CHPT1: variants seen among roughly 807,000 people sequenced by gnomAD.
CHPT1 encodes choline phosphotransferase 1.
Under a neutral mutation model 47.6 loss-of-function variants are expected in CHPT1, and 36 were observed. The observed-to-expected ratio is 0.76, with a 90% CI of 0.58 to 1.00. The LOEUF is 1.00. Among genes scored for constraint, CHPT1 ranks in the 50% least tolerant of loss-of-function variants. The pLI, the probability that CHPT1 is intolerant of heterozygous loss-of-function variation, is 0.00. For missense variants in CHPT1, 458 were observed against 498.1 expected (o/e 0.92, Z 0.77); for synonymous variants, 194 against 186.3 (o/e 1.04, Z -0.33).
chr12:101,716,452 T>G (rs1951764463), intron 3 of CHPT1, among the ~76,000 whole-genome samples: 1 of 152,166 alleles, frequency 6.6e-6, no homozygotes. Flanking sequence ...AAAATAAAAG[T>G]CTTTATAACA....
intron 1 of CHPT1, among the ~76,000 whole-genome samples, chr12:101,704,626 C>T (rs1951605548): frequency 6.9e-6 from 1 of 145,850 alleles, no homozygotes. Flanking sequence ...GGCTCGAACT[C>T]CTGACCTCGG....
At position 101,702,814 on chromosome 12, in the gene CHPT1, T is replaced by A. The variant is rs1158393190; in HGVS notation, c.273+4680T>A. 5.3e-5 allele frequency among the ~76,000 whole-genome samples: 8 copies of A among 152,238 alleles called. No individual in the cohort carries two copies. In the East Asian group the frequency reaches 1.2e-3, roughly 22 times the overall value. Reference sequence around the variant, plus strand: ...ATTAAAACAAAATGTGAACTCCAGATTTCCAGGAGATAGAAGCAGGGAGGG... The same window carrying A: ...ATTAAAACAAAATGTGAACTCCAGAATTCCAGGAGATAGAAGCAGGGAGGG... On this transcript the variant is annotated intron_variant, in intron 1 of 8. Coordinates refer to ENST00000229266, the MANE Select transcript of CHPT1 (RefSeq NM_020244.3).
intron 5 of CHPT1, among the ~76,000 whole-genome samples, chr12:101,720,732 G>A (rs1951836362): frequency 6.6e-6 from 1 of 152,150 alleles, no homozygotes; most frequent in Non-Finnish European, 1.5e-5. Flanking sequence ...TAATTCTTAA[G>A]TGGGTATACT....
At position 101,722,707 on chromosome 12, in the gene CHPT1, TA is replaced by T. The variant is rs10605402; in HGVS notation, c.781-442del. 2.0e-3 allele frequency among the ~76,000 whole-genome samples: 227 copies of T among 113,780 alleles called. 2 individuals are homozygous for T. Among genetic ancestry groups the T allele is most frequent in the Admixed American group, 5.2e-3 (57 of 10,868 alleles). The allele number at this position is 113,780 out of a possible 152,430, so 74.6% of individuals were successfully genotyped here. ...TGTCTCTACTAAAAACACAAAAAAT[TA>T]AAAAAAAAAAAAAAAAAAGAAAATA... On this transcript the variant is annotated intron_variant, in intron 5 of 8. Coordinates refer to ENST00000229266, the MANE Select transcript of CHPT1 (RefSeq NM_020244.3).
In CHPT1 at chr12:101,698,053, C is replaced by T. The variant is rs148254372; in HGVS notation, c.192C>T (p.Asn64=). The T allele has an allele frequency of 4.0e-4, 624 of 1,575,744 alleles. 1 individual carries two copies. In the African/African-American group the frequency reaches 8.2e-3, roughly 21 times the overall value. Residue 64 remains asparagine (N), a synonymous_variant, in exon 1 of 9, where the codon AAC becomes AAT. Coordinates refer to ENST00000229266, the MANE Select transcript of CHPT1 (RefSeq NM_020244.3). ...LQWIPLWMAP[N]SITLLGLAVN... is the part of the protein sequence containing the mutation. ...GGATCCCGCTCTGGATGGCCCCCAA[C>T]TCCATCACCCTGCTGGGGCTCGCCG...
At chr12:101,719,994 C>T in intron 4 of CHPT1, 129 bp from the exon 5 acceptor site, 1 of 515,060 alleles carries the variant, frequency 1.9e-6, no homozygotes. Context: ...GATTATATTC[C>T]AGAAGTTAAG....
chr12:101,726,143 A>C, intron 7 of CHPT1, 151 bp from the exon 8 acceptor site: 1 of 595,526 alleles, frequency 1.7e-6, no homozygotes, highest in Non-Finnish European at 3.0e-6. Flanking sequence ...AGTGAGGTCC[A>C]AATTTGAAAT....
In CHPT1 at chr12:101,714,177, A is replaced by T; in HGVS notation, c.361A>T (p.Thr121Ser). ...TATTGATGGGAAACAAGCCAGAAGA[A>T]CAAACTCTTGTTCCCCTTTAGGGGA... The part of the protein sequence containing the change: ...DAIDGKQARR[T>S]NSCSPLGELF... The change falls in exon 2 of 9, where the codon ACA becomes TCA. Residue 121 changes from threonine to serine, a missense_variant. Physicochemically the swap from Thr to Ser is moderately conservative, Grantham distance 58. Transcript: ENST00000229266. 6.2e-7 allele frequency: 1 copy of T among 1,613,418 alleles called. No individual in the cohort carries two copies. The highest frequency in any genetic ancestry group is 8.5e-7 in the Non-Finnish European group (1 of 1,179,458).
rs1188525049 is a variant in CHPT1 at position 101,697,715 on chromosome 12, A to G, written c.-147A>G. The stretch of plus-strand genomic sequence containing the variant: ...CCCGGCAGCCGGGCAGGCCGGCCTG[A>G]CCTCGACCTCCGCCGTGCGGGCCCG... On this transcript the variant is annotated 5_prime_UTR_variant, in exon 1 of 9. Transcript: ENST00000229266. The G allele has an allele frequency of 1.1e-5, 2 of 189,900 alleles. No homozygotes were observed. Among genetic ancestry groups the G allele is most frequent in the African/African-American group, 4.8e-5 (2 of 41,878 alleles). The allele number at this position is 189,900 out of a possible 1,614,324, so 11.8% of individuals were successfully genotyped here. A position where few individuals can be genotyped will look rare whatever the true frequency, so the allele number is the denominator to read the frequency against.
chr12:101,699,391 C>CTT lies in CHPT1; in HGVS notation c.273+1270_273+1271dup, dbSNP rs5800481. On this transcript the variant is annotated intron_variant, in intron 1 of 8. Coordinates refer to ENST00000229266, the MANE Select transcript of CHPT1 (RefSeq NM_020244.3). Reference sequence around the variant, plus strand: ...GGTATGCTTATTATGTATTTCTTTTCTTTTTTTTTTTTTTGAGACAGAGTC... The same window carrying CTT: ...GGTATGCTTATTATGTATTTCTTTTCTTTTTTTTTTTTTTTTGAGACAGAGTC... Among the ~76,000 whole-genome samples, 257 of 136,938 alleles carry CTT rather than the reference C, an allele frequency of 1.9e-3. 2 individuals carry two copies. The highest frequency in any genetic ancestry group is 3.6e-3 in the Admixed American group (49 of 13,722). 89.8% of individuals were successfully genotyped at this position (136,938 alleles called of 152,430 possible). A position where few individuals can be genotyped will look rare whatever the true frequency, so the allele number is the denominator to read the frequency against.
Position 101,697,933 on chromosome 12 carries a change from G to T in CHPT1, c.72G>T (p.Ala24=). 6.7e-7 allele frequency: 1 copy of T among 1,501,446 alleles called. No homozygotes were observed. Among genetic ancestry groups the T allele is most frequent in the South Asian group, 1.2e-5 (1 of 80,644 alleles). The allele number at this position is 1,501,446 out of a possible 1,614,324, so 93.0% of individuals were successfully genotyped here. A position where few individuals can be genotyped will look rare whatever the true frequency, so the allele number is the denominator to read the frequency against. ...CGCTGAGCGAGCCGCTGAGCGCGGC[G>T]CAGCTGCGGCGACTGGAGGAGCACC... ...LRALSEPLSA[A]QLRRLEEHRY... The change falls in exon 1 of 9, where the codon GCG becomes GCT. Residue 24 remains alanine, a synonymous_variant. Transcript: ENST00000229266.
At chr12:101,705,830 A>G (rs1951623441) in intron 1 of CHPT1, among the ~76,000 whole-genome samples, 1 of 144,790 alleles carries the variant, frequency 6.9e-6, no homozygotes, top group South Asian at 2.3e-4. Context: ...TCCTCAAGTG[A>G]TCCTCCCCCC....
chr12:101,707,630 CCT>C (rs1951651103), intron 1 of CHPT1, among the ~76,000 whole-genome samples: 1 of 152,080 alleles, frequency 6.6e-6, no homozygotes, highest in East Asian at 1.9e-4. Flanking sequence ...CAATCCTTGC[CCT>C]CTCTGTGCTT....
At position 101,714,193 on chromosome 12, in the gene CHPT1, C is replaced by T. The variant is rs1183508481; in HGVS notation, c.377C>T (p.Pro126Leu). The T allele has an allele frequency of 6.2e-7, 1 of 1,611,696 alleles. No homozygotes were observed. The highest frequency in any genetic ancestry group is 8.5e-7 in the Non-Finnish European group (1 of 1,179,030). The part of the protein sequence containing the change: ...KQARRTNSCS[P>L]LGELFDHGCD... ...GCCAGAAGAACAAACTCTTGTTCCC[C>T]TTTAGGGGAGCTCTTTGACCATGGC... Residue 126 changes from proline to leucine, a missense_variant, in exon 2 of 9, where the codon CCT (proline) becomes CTT (leucine). Transcript: ENST00000229266.
chr12:101,723,199 TAGGAC>T lies in CHPT1; in HGVS notation c.813_817del (p.Gly272AsnfsTer10). ...AGTGTCTTGTCACCTGGACTCCACATAGGACTAATTATTATACTGGCAATAATGAT... is the reference window on the plus strand; with the variant it reads ...AGTGTCTTGTCACCTGGACTCCACATTAATTATTATACTGGCAATAATGAT... On this transcript the variant is annotated frameshift_variant, in exon 6 of 9. Coordinates refer to ENST00000229266, the MANE Select transcript of CHPT1 (RefSeq NM_020244.3). LOFTEE classifies it high-confidence loss of function. 5 of 1,612,788 alleles carry T rather than the reference TAGGAC, an allele frequency of 3.1e-6. No individual in the cohort carries two copies. The highest frequency in any genetic ancestry group is 4.2e-6 in the Non-Finnish European group (5 of 1,179,076).
chr12:101,723,473 A>G (rs756588891), intron 6 of CHPT1, 147 bp downstream of exon 6: 10 of 625,770 alleles, frequency 1.6e-5, no homozygotes, highest in Non-Finnish European at 2.4e-5. Flanking sequence ...AAACTGTGAT[A>G]AGAGTTATAT....
At chr12:101,700,678 T>TAA (rs1951542415) in intron 1 of CHPT1, among the ~76,000 whole-genome samples, 1 of 151,952 alleles carries the variant, frequency 6.6e-6, no homozygotes, top group Admixed American at 6.6e-5. Flanking sequence ...TACAAATATG[T>TAA]AAAGTGCTTT....
At chr12:101,712,519 A>C (rs962788578) in intron 1 of CHPT1, among the ~76,000 whole-genome samples, 2 of 148,158 alleles carry the variant, frequency 1.3e-5, no homozygotes, top group Admixed American at 6.9e-5. Flanking sequence ...TTCTCTTTCT[A>C]AGACTCTAGT....
At chr12:101,726,608 C>G (rs1951949804) in intron 8 of CHPT1, 1 of 633,470 alleles carries the variant, frequency 1.6e-6, no homozygotes, top group South Asian at 4.5e-5. Context: ...TTTTTTATCA[C>G]AGATGTTCTC....
Sources: allele counts gnomAD v4.1 joint callset (sites outside exome capture counted in the v4.1 genomes callset), GRCh38; gene constraint gnomAD v4.1.1; transcripts MANE v1.5; gene names NCBI Gene and HGNC (gene_info 2026-07-23, HGNC 2026-07-21).